The following HIBADH variants were observed in gnomAD, a reference collection of about 807,000 sequenced individuals.
HIBADH encodes the protein 3-hydroxyisobutyrate dehydrogenase, also known as 3-hydroxyisobutyrate dehydrogenase, mitochondrial.
A neutral mutation model predicts 36.1 loss-of-function variants in HIBADH; 25 were observed. The ratio of observed to expected loss-of-function variants is 0.69; its 90% CI spans 0.50 to 0.97. The LOEUF is 0.97. Among genes scored for constraint, HIBADH ranks in the 50% least tolerant of loss-of-function variants. HIBADH has a pLI of 0.00. For synonymous variants in HIBADH, 160 were observed against 149.5 expected (o/e 1.07, Z -0.51); for missense variants, 421 against 418.0 (o/e 1.01, Z -0.06).
chr7:27,645,965 A>G (rs1450456719), intron 2 of HIBADH, among the ~76,000 whole-genome samples: 1 of 152,072 alleles, frequency 6.6e-6, no homozygotes, highest in African/African-American at 2.4e-5. Context: ...ATAAAGTCCA[A>G]TTTACCTATT....
intron 3 of HIBADH, among the ~76,000 whole-genome samples, chr7:27,631,889 T>C (rs570947237): frequency 6.6e-6 from 1 of 152,378 alleles, no homozygotes; most frequent in Non-Finnish European, 1.5e-5. Flanking sequence ...AAGTTCTTAC[T>C]ACAAACGTAC....
At chr7:27,564,002 C>T (rs1333910600) in intron 4 of HIBADH, among the ~76,000 whole-genome samples, 1 of 151,476 alleles carries the variant, frequency 6.6e-6, no homozygotes, top group Non-Finnish European at 1.5e-5. Context: ...GGATTCACGC[C>T]ATTCTCCTGC....
At chr7:27,561,721 T>C (rs995472250) in intron 4 of HIBADH, among the ~76,000 whole-genome samples, 3 of 152,168 alleles carry the variant, frequency 2.0e-5, no homozygotes, top group Non-Finnish European at 4.4e-5. Context: ...ACTGTGACAG[T>C]AGACATTTAT....
chr7:27,629,824 T>C (rs1470871710), intron 3 of HIBADH, among the ~76,000 whole-genome samples: 1 of 152,152 alleles, frequency 6.6e-6, no homozygotes, highest in Non-Finnish European at 1.5e-5. Context: ...TTAAAACACC[T>C]ATTAACTTTA....
chr7:27,568,621 C>A (rs570738431), intron 4 of HIBADH, among the ~76,000 whole-genome samples: 76 of 152,064 alleles, frequency 5.0e-4, no homozygotes, highest in Non-Finnish European at 9.1e-4. Flanking sequence ...CCAGGCCCAG[C>A]TAATTTTTTT....
intron 4 of HIBADH, among the ~76,000 whole-genome samples, chr7:27,557,762 C>T (rs1324181375): frequency 6.6e-6 from 1 of 152,216 alleles, no homozygotes; most frequent in Admixed American, 6.5e-5. Flanking sequence ...ACCTAATCAC[C>T]TCTTAAAGAC....
chr7:27,611,765 G>C (rs1015109362), intron 4 of HIBADH, among the ~76,000 whole-genome samples: 1 of 152,164 alleles, frequency 6.6e-6, no homozygotes, highest in Non-Finnish European at 1.5e-5. Context: ...AACAAACTCT[G>C]AGTGAAACAA....
intron 1 of HIBADH, among the ~76,000 whole-genome samples, chr7:27,658,127 A>G (rs1583625667): frequency 6.6e-6 from 1 of 151,972 alleles, no homozygotes; most frequent in East Asian, 1.9e-4. Flanking sequence ...AAACACCTGA[A>G]TAAGCGCTTG....
chr7:27,653,799 C>T (rs935376177), intron 1 of HIBADH, among the ~76,000 whole-genome samples: 2 of 151,432 alleles, frequency 1.3e-5, no homozygotes, highest in African/African-American at 4.8e-5. Flanking sequence ...AAGAGATATA[C>T]CTGGTAGCCA....
intron 4 of HIBADH, among the ~76,000 whole-genome samples, chr7:27,587,104 T>TTAC (rs1159585561): frequency 6.6e-6 from 1 of 152,208 alleles, no homozygotes; most frequent in Non-Finnish European, 1.5e-5. Context: ...GTGTGCCCTA[T>TTAC]TACTGCTGGC....
At chr7:27,594,267 C>A (rs1174179849) in intron 4 of HIBADH, among the ~76,000 whole-genome samples, 1 of 151,564 alleles carries the variant, frequency 6.6e-6, no homozygotes, top group Admixed American at 6.6e-5. Flanking sequence ...CCTCAGCCTC[C>A]CGAATAGCTG....
chr7:27,615,768 T>C (rs890411017), intron 4 of HIBADH, among the ~76,000 whole-genome samples: 4 of 152,278 alleles, frequency 2.6e-5, no homozygotes, highest in Admixed American at 6.5e-5. Flanking sequence ...TTAGAGTAAA[T>C]AGAGTATAAT....
intron 4 of HIBADH, among the ~76,000 whole-genome samples, chr7:27,625,709 T>C (rs1785627936): frequency 6.6e-6 from 1 of 152,076 alleles, no homozygotes; most frequent in African/African-American, 2.4e-5. Context: ...ATTTTAAAAA[T>C]TGGGGAAAAA....
intron 4 of HIBADH, among the ~76,000 whole-genome samples, chr7:27,597,556 TC>T (rs1785052407): frequency 6.6e-6 from 1 of 151,482 alleles, no homozygotes; most frequent in African/African-American, 2.4e-5. Context: ...ACTACCAGAA[TC>T]CCCCAAACCA....
intron 7 of HIBADH, among the ~76,000 whole-genome samples, chr7:27,526,646 T>A (rs1282831832): frequency 1.3e-5 from 2 of 152,114 alleles, no homozygotes; most frequent in South Asian, 2.1e-4. Flanking sequence ...AGAAAAAAAA[T>A]TTCCCTGTGT....
At chr7:27,569,505 G>C (rs1035145587) in intron 4 of HIBADH, among the ~76,000 whole-genome samples, 2 of 152,134 alleles carry the variant, frequency 1.3e-5, no homozygotes, top group Non-Finnish European at 2.9e-5. Flanking sequence ...TGATATCTGG[G>C]TGGGCTATCT....
intron 4 of HIBADH, among the ~76,000 whole-genome samples, chr7:27,554,515 CCA>C (rs1317019390): frequency 3.9e-5 from 6 of 152,156 alleles, no homozygotes; most frequent in Non-Finnish European, 7.3e-5. Context: ...ACCACCAATA[CCA>C]CACCCTTCTG....
chr7:27,550,086 T>A (rs1784297947), intron 4 of HIBADH, among the ~76,000 whole-genome samples: 1 of 152,072 alleles, frequency 6.6e-6, no homozygotes, highest in Non-Finnish European at 1.5e-5. Flanking sequence ...TTTTTTTGTA[T>A]TTTTAGTAGA....
chr7:27,623,884 A>G (rs7782422), intron 4 of HIBADH, among the ~76,000 whole-genome samples: 120,850 of 152,172 alleles, frequency 0.79, 48,379 homozygotes, highest in East Asian at 0.97. Context: ...TGCAACCTCT[A>G]CCTCCCGAGC....
Sources: gnomAD v4.1 joint callset for allele counts (sites outside exome capture counted in the v4.1 genomes callset) on GRCh38, gnomAD v4.1.1 for gene constraint, MANE v1.5 for transcripts, NCBI Gene and HGNC (gene_info 2026-07-23, HGNC 2026-07-21) for gene names.